The following TBC1D31 variants were observed in gnomAD, a reference collection of about 807,000 sequenced individuals.
TBC1D31 encodes TBC1 domain family member 31.
A neutral mutation model predicts 132.9 loss-of-function variants in TBC1D31; 99 were observed. The observed-to-expected ratio is 0.74, with a 90% CI of 0.63 to 0.88. TBC1D31 has a LOEUF of 0.88. TBC1D31 is among the 40% of genes least tolerant of loss of function. TBC1D31 has a pLI of 0.00. For missense variants in TBC1D31, 1,134 were observed against 1,256.6 expected (o/e 0.90, Z 1.48); for synonymous variants, 385 against 419.4 (o/e 0.92, Z 1.00).
chr8:123,107,493 G>A (rs1268312236), intron 8 of TBC1D31, among the ~76,000 whole-genome samples: 3 of 152,120 alleles, frequency 2.0e-5, no homozygotes, highest in African/African-American at 7.2e-5. Flanking sequence ...AGAAAAAACT[G>A]AATAGCAGAC....
At chr8:123,132,448 C>T (rs1404324519) in intron 16 of TBC1D31, among the ~76,000 whole-genome samples, 1 of 93,112 alleles carries the variant, frequency 1.1e-5, no homozygotes, top group Non-Finnish European at 1.9e-5. Flanking sequence ...GGGTCTCATT[C>T]TGTCACCTGG....
downstream of TBC1D31, among the ~76,000 whole-genome samples, chr8:123,153,829 T>TA (rs1278745734): frequency 1.3e-5 from 2 of 152,226 alleles, no homozygotes; most frequent in Non-Finnish European, 2.9e-5. Context: ...GCGGTCCCTA[T>TA]AGGCCTTTTC....
intron 3 of TBC1D31, 133 bp from the exon 4 acceptor site, chr8:123,084,029 G>A: frequency 1.4e-6 from 1 of 701,726 alleles, no homozygotes; most frequent in Non-Finnish European, 2.4e-6. Flanking sequence ...TTCCATTTTT[G>A]TGGATATTAA....
chr8:123,137,756 T>A (rs867667356), intron 17 of TBC1D31, among the ~76,000 whole-genome samples: 8 of 152,234 alleles, frequency 5.3e-5, no homozygotes, highest in African/African-American at 1.9e-4. Flanking sequence ...AGAAACCAGC[T>A]GGCATGGCCA....
chr8:123,117,142 G>A (rs770409019), intron 10 of TBC1D31, among the ~76,000 whole-genome samples: 5 of 151,960 alleles, frequency 3.3e-5, no homozygotes, highest in South Asian at 2.1e-4. Context: ...TGGTGAAACC[G>A]TATCTCTATT....
At position 123,126,059 on chromosome 8, in the gene TBC1D31, A is replaced by G; in HGVS notation, c.1574A>G (p.Asn525Ser). 4 of 1,587,010 alleles carry G rather than the reference A, an allele frequency of 2.5e-6. No individual in the cohort carries two copies. Among genetic ancestry groups the G allele is most frequent in the South Asian group, 2.4e-5 (2 of 84,412 alleles). ...TTTTCTTTTTTTTCCTTCATAGTCA[A>G]TTGGTGTCAACACTGGTTTGAATAT... ...CFEVIATLIINWCQHWFEYFP... is the reference protein window; with the variant it reads ...CFEVIATLIISWCQHWFEYFP... The change falls in exon 12 of 22, where the codon AAT (asparagine) becomes AGT (serine). Residue 525 changes from asparagine to serine, a missense_variant. Transcript: ENST00000287380.
the TBC1D31 span, among the ~76,000 whole-genome samples, chr8:123,157,235 C>T: frequency 1.3e-5 from 2 of 152,162 alleles, no homozygotes; most frequent in South Asian, 2.1e-4. Context: ...TATTGTGCCC[C>T]GTGTGAGGAT....
At chr8:123,162,017 CAAAAAAAA>C in the TBC1D31 span, among the ~76,000 whole-genome samples, 5 of 76,092 alleles carry the variant, frequency 6.6e-5, no homozygotes, top group East Asian at 3.7e-4. Context: ...GAGTCCGACT[CAAAAAAAA>C]AAAAAAAAAA....
At chr8:123,100,045 C>T (rs1275621263) in intron 6 of TBC1D31, among the ~76,000 whole-genome samples, 1 of 152,108 alleles carries the variant, frequency 6.6e-6, no homozygotes, top group African/African-American at 2.4e-5. Flanking sequence ...CCCTATCTGC[C>T]AACACTGTTG....
intron 5 of TBC1D31, among the ~76,000 whole-genome samples, chr8:123,096,249 C>T (rs949422600): frequency 1.3e-5 from 2 of 152,174 alleles, no homozygotes; most frequent in African/African-American, 4.8e-5. Context: ...GTCACCTGGC[C>T]TACGCCTCCC....
chr8:123,080,374 C>T (rs1164250521), intron 2 of TBC1D31, among the ~76,000 whole-genome samples: 2 of 152,074 alleles, frequency 1.3e-5, no homozygotes, highest in Non-Finnish European at 2.9e-5. Flanking sequence ...TTCTCTGGTG[C>T]TATTTTCAGG....
At chr8:123,116,778 C>G (rs1370078377) in intron 10 of TBC1D31, among the ~76,000 whole-genome samples, 1 of 151,932 alleles carries the variant, frequency 6.6e-6, no homozygotes, top group African/African-American at 2.4e-5. Context: ...TTCCAGTGGC[C>G]AAAGCTGGAA....
Position 123,126,620 on chromosome 8 carries a change from C to G in TBC1D31, c.1817C>G (p.Thr606Ser), listed in dbSNP as rs368578595. The G allele has an allele frequency of 6.2e-6, 10 of 1,613,836 alleles. No individual in the cohort carries two copies. Among genetic ancestry groups the G allele is most frequent in the Non-Finnish European group, 8.5e-6 (10 of 1,179,868 alleles). ...AACCATCCTTCCTTCCTTCTGATGACTGTTGTAGCCTACAACATATGTTCT... is the reference window on the plus strand; with the variant it reads ...AACCATCCTTCCTTCCTTCTGATGAGTGTTGTAGCCTACAACATATGTTCT... Reference protein sequence around the residue: ...FSNHPSFLLMTVVAYNICSRT... With the variant: ...FSNHPSFLLMSVVAYNICSRT... Residue 606 changes from threonine (T) to serine (S), a missense_variant, in exon 13 of 22, where the codon ACT (threonine) becomes AGT (serine). Thr to Ser is a moderately conservative substitution (Grantham distance 58). Transcript: ENST00000287380.
At chr8:123,158,455 G>A in the TBC1D31 span, among the ~76,000 whole-genome samples, 7 of 152,090 alleles carry the variant, frequency 4.6e-5, no homozygotes, top group Non-Finnish European at 1.0e-4. Flanking sequence ...GTGGACGCCC[G>A]CGGGTCTGGG....
intron 17 of TBC1D31, among the ~76,000 whole-genome samples, chr8:123,137,584 A>G (rs917362689): frequency 6.6e-6 from 1 of 152,242 alleles, no homozygotes; most frequent in African/African-American, 2.4e-5. Flanking sequence ...ACTATTGCCT[A>G]CCAGGCAAGC....
chr8:123,157,236 G>C, the TBC1D31 span, among the ~76,000 whole-genome samples: 2 of 152,284 alleles, frequency 1.3e-5, no homozygotes, highest in African/African-American at 2.4e-5. Context: ...ATTGTGCCCC[G>C]TGTGAGGATC....
intron 16 of TBC1D31, among the ~76,000 whole-genome samples, chr8:123,131,430 G>A (rs2130824280): frequency 6.7e-6 from 1 of 149,938 alleles, no homozygotes; most frequent in East Asian, 2.0e-4. Context: ...AGATAGAGGA[G>A]TAATTATAGT....
At chr8:123,153,862 TTC>T (rs1026815317), downstream of TBC1D31, among the ~76,000 whole-genome samples, 2 of 152,222 alleles carry the variant, frequency 1.3e-5, no homozygotes, top group Non-Finnish European at 2.9e-5. Context: ...TCCATAAAGT[TTC>T]TCTCTGGTGT....
At chr8:123,077,915 G>A (rs1261853387) in intron 2 of TBC1D31, among the ~76,000 whole-genome samples, 1 of 152,064 alleles carries the variant, frequency 6.6e-6, no homozygotes. Flanking sequence ...GGGTGTGGAG[G>A]TGCACGCCTG....
Sources: gnomAD v4.1 joint callset for allele counts (sites outside exome capture counted in the v4.1 genomes callset) on GRCh38, gnomAD v4.1.1 for gene constraint, MANE v1.5 for transcripts, NCBI Gene and HGNC (gene_info 2026-07-23, HGNC 2026-07-21) for gene names.